Variants in ANKRD44 observed in about 807,000 individuals in gnomAD.
The protein encoded by ANKRD44 is serine/threonine-protein phosphatase 6 regulatory ankyrin repeat subunit B.
In ANKRD44, 35 loss-of-function variants were observed where a neutral mutation model predicts 116.0. That is an observed-to-expected ratio of 0.30 (90% CI 0.23 to 0.40). The LOEUF is 0.40. ANKRD44 is among the 10% of genes least tolerant of loss of function. The probability of loss-of-function intolerance (pLI) is 1.00; values close to 1 mark genes in which losing one functional copy is unlikely to be tolerated. For missense variants in ANKRD44, 1,014 were observed against 1,242.6 expected (o/e 0.82, Z 2.77); for synonymous variants, 435 against 461.8 (o/e 0.94, Z 0.74).
At chr2:197,120,870 C>G (rs115408060) in intron 8 of ANKRD44, among the ~76,000 whole-genome samples, 2 of 151,964 alleles carry the variant, frequency 1.3e-5, no homozygotes, top group East Asian at 3.8e-4. Context: ...CAAGAACACA[C>G]GGCTGGAGCC....
chr2:196,968,556 A>G (rs1048823513), intron 21 of ANKRD44, among the ~76,000 whole-genome samples: 9 of 152,162 alleles, frequency 5.9e-5, no homozygotes, highest in African/African-American at 2.2e-4. Flanking sequence ...ATCAGAAAGG[A>G]GGATGATGCA....
At chr2:197,013,230 A>C (rs1333441107) in intron 18 of ANKRD44, among the ~76,000 whole-genome samples, 1 of 152,166 alleles carries the variant, frequency 6.6e-6, no homozygotes, top group Admixed American at 6.5e-5. Flanking sequence ...TGAAGATTGC[A>C]TTACACCTTG....
At chr2:197,255,276 G>A (rs2082418446) in intron 1 of ANKRD44, among the ~76,000 whole-genome samples, 1 of 152,160 alleles carries the variant, frequency 6.6e-6, no homozygotes, top group Non-Finnish European at 1.5e-5. Flanking sequence ...CGCTTCCTGG[G>A]GCTGGGCTCC....
chr2:197,110,432 T>C (rs2078538328), intron 9 of ANKRD44, among the ~76,000 whole-genome samples: 1 of 152,216 alleles, frequency 6.6e-6, no homozygotes. Context: ...GATTTGTTGC[T>C]GGAAAATGAA....
chr2:197,272,425 A>T (rs1173683172), intron 1 of ANKRD44, among the ~76,000 whole-genome samples: 1 of 152,116 alleles, frequency 6.6e-6, no homozygotes, highest in Non-Finnish European at 1.5e-5. Flanking sequence ...TTTAGTAGAG[A>T]TAGGGTTTCA....
chr2:197,161,335 T>A (rs1196052176), intron 2 of ANKRD44, among the ~76,000 whole-genome samples: 2 of 152,146 alleles, frequency 1.3e-5, no homozygotes, highest in Non-Finnish European at 2.9e-5. Context: ...AGGGATGCAT[T>A]TAGCCTTCAT....
intron 16 of ANKRD44, among the ~76,000 whole-genome samples, chr2:197,027,044 T>G (rs1278039018): frequency 6.6e-6 from 1 of 151,768 alleles, no homozygotes; most frequent in African/African-American, 2.4e-5. Flanking sequence ...CATGTGAAAT[T>G]TGAGATGTTT....
intron 2 of ANKRD44, among the ~76,000 whole-genome samples, chr2:197,154,523 G>A (rs2079757632): frequency 6.6e-6 from 1 of 152,096 alleles, no homozygotes; most frequent in African/African-American, 2.4e-5. Flanking sequence ...TGCCTGACAT[G>A]GTACATTCTG....
rs146123142 is a variant in ANKRD44, at chr2:197,034,593, C to T, written c.1651-9326G>A. On this transcript the variant is annotated intron_variant, in intron 16 of 27. Transcript: ENST00000282272. ...CTGCCTTAATAATAAGGCCTTCATCCGGACTACCTAATCTTATTTTTTAAG... is the reference window on the plus strand; with the variant it reads ...CTGCCTTAATAATAAGGCCTTCATCTGGACTACCTAATCTTATTTTTTAAG... Among the ~76,000 whole-genome samples, 273 of 151,458 alleles carry T rather than the reference C, an allele frequency of 1.8e-3. 1 individual carries two copies. The highest frequency in any genetic ancestry group is 4.9e-3 in the African/African-American group (203 of 41,208).
At chr2:196,968,577 C>T (rs907075939) in intron 21 of ANKRD44, among the ~76,000 whole-genome samples, 1 of 152,126 alleles carries the variant, frequency 6.6e-6, no homozygotes, top group Non-Finnish European at 1.5e-5. Flanking sequence ...CAGCCTGACC[C>T]AGTGTTTTTA....
In ANKRD44 at chr2:197,078,743, T is replaced by C. The variant is rs771993262; in HGVS notation, c.1610A>G (p.His537Arg). The change falls in exon 16 of 28, where the codon CAT (histidine) becomes CGT (arginine). Residue 537 changes from histidine (H) to arginine (R), a missense_variant. Coordinates refer to ENST00000282272, the MANE Select transcript of ANKRD44 (RefSeq NM_001195144.2). Reference protein sequence around the residue: ...IRDKEGYNSIHYAAAYGHRQC... With the variant: ...IRDKEGYNSIRYAAAYGHRQC... ...CCTGTGCCCATAGGCGGCAGCATAA[T>C]GTATGCTATTGTAACCTTCCTTGTC... 2.5e-6 allele frequency: 4 copies of C among 1,612,788 alleles called. No homozygotes were observed. The highest frequency in any genetic ancestry group is 2.5e-6 in the Non-Finnish European group (3 of 1,179,212).
intron 10 of ANKRD44, among the ~76,000 whole-genome samples, chr2:197,093,499 T>C (rs903974550): frequency 5.3e-5 from 8 of 152,198 alleles, no homozygotes; most frequent in African/African-American, 1.9e-4. Flanking sequence ...GTTTGATATA[T>C]ATTTTTTACT....
chr2:197,066,675 G>C (rs1288664123), intron 16 of ANKRD44, among the ~76,000 whole-genome samples: 1 of 152,110 alleles, frequency 6.6e-6, no homozygotes, highest in Non-Finnish European at 1.5e-5. Context: ...AATCATGACT[G>C]AACTCCCATT....
chr2:197,017,322 G>A (rs1558993056), intron 17 of ANKRD44, among the ~76,000 whole-genome samples: 1 of 152,046 alleles, frequency 6.6e-6, no homozygotes, highest in Non-Finnish European at 1.5e-5. Flanking sequence ...AGCTATCAAT[G>A]GTACTTACTC....
chr2:197,154,219 G>A (rs1203571664), intron 2 of ANKRD44, among the ~76,000 whole-genome samples: 1 of 122,490 alleles, frequency 8.2e-6, no homozygotes, highest in African/African-American at 3.3e-5. Flanking sequence ...TCGCTCTGTC[G>A]CCCAGGCTGG....
At chr2:197,269,292 A>C (rs1209194904) in intron 1 of ANKRD44, among the ~76,000 whole-genome samples, 1 of 148,058 alleles carries the variant, frequency 6.8e-6, no homozygotes, top group Non-Finnish European at 1.5e-5. Context: ...ATATGGAGAT[A>C]GGAGCAGTAA....
intron 2 of ANKRD44, among the ~76,000 whole-genome samples, chr2:197,180,814 CCTT>C (rs1385523785): frequency 1.3e-5 from 2 of 152,052 alleles, no homozygotes; most frequent in Admixed American, 1.3e-4. Flanking sequence ...CATATTGAGT[CCTT>C]CTGGGTGGAT....
At chr2:197,243,844 A>G in intron 1 of ANKRD44, among the ~76,000 whole-genome samples, 1 of 152,170 alleles carries the variant, frequency 6.6e-6, no homozygotes, top group Admixed American at 6.5e-5. Context: ...ACATGATCAC[A>G]CTGGGGATTA....
At chr2:197,025,168 G>T (rs775616725) in intron 17 of ANKRD44, 28 bp downstream of exon 17, 1 of 1,596,784 alleles carries the variant, frequency 6.3e-7, no homozygotes, top group Non-Finnish European at 8.6e-7. Context: ...TTTGTAACAG[G>T]TGAAGCTGCT....
Sources: allele counts gnomAD v4.1 joint callset (sites outside exome capture counted in the v4.1 genomes callset), GRCh38; gene constraint gnomAD v4.1.1; transcripts MANE v1.5; gene names NCBI Gene and HGNC (gene_info 2026-07-23, HGNC 2026-07-21).